The following RBPMS2 variants were observed in gnomAD, a reference collection of about 807,000 sequenced individuals.
RBPMS2 encodes RNA binding protein, mRNA processing factor 2, also known as RNA-binding protein with multiple splicing 2.
In RBPMS2, 14 loss-of-function variants were observed where a neutral mutation model predicts 25.7. That is an observed-to-expected ratio of 0.55 (90% CI 0.36 to 0.85). The LOEUF is 0.85. Among genes scored for constraint, RBPMS2 ranks in the 40% least tolerant of loss-of-function variants. The pLI, the probability that RBPMS2 is intolerant of heterozygous loss-of-function variation, is 0.01. For synonymous variants in RBPMS2, 127 were observed against 115.6 expected, an observed-to-expected ratio of 1.10 and a Z score of -0.63; for missense variants, 252 against 283.4, an observed-to-expected ratio of 0.89 and a Z score of 0.80.
chr15:64,764,551 C>T (rs1237663182), intron 1 of RBPMS2, among the ~76,000 whole-genome samples: 2 of 152,174 alleles, frequency 1.3e-5, no homozygotes, highest in Non-Finnish European at 2.9e-5. Flanking sequence ...TGATTTGCAG[C>T]TCCCTGCCAC....
chr15:64,774,595 A>T lies in RBPMS2; in HGVS notation c.87+638T>A, dbSNP rs999829915. Among the ~76,000 whole-genome samples the T allele has an allele frequency of 2.7e-5, 4 of 148,828 alleles. No individual in the cohort carries two copies. The Admixed American group carries it at 2.7e-4, about 10-fold the overall frequency. On this transcript the variant is annotated intron_variant, in intron 1 of 7. Coordinates refer to ENST00000300069, the MANE Select transcript of RBPMS2 (RefSeq NM_194272.3). ...TGGTTGCCAGGACAAACCCAGAGAGAGGAGAAGGACGAACTGAGTGTCTTT... is the reference window on the plus strand; with the variant it reads ...TGGTTGCCAGGACAAACCCAGAGAGTGGAGAAGGACGAACTGAGTGTCTTT...
chr15:64,762,193 G>C (rs2083795382), intron 1 of RBPMS2, among the ~76,000 whole-genome samples: 1 of 152,192 alleles, frequency 6.6e-6, no homozygotes, highest in Non-Finnish European at 1.5e-5. Flanking sequence ...TAGGTATGAT[G>C]GTGATGGTGG....
chr15:64,764,895 G>A (rs1229950078), intron 1 of RBPMS2, among the ~76,000 whole-genome samples: 1 of 142,370 alleles, frequency 7.0e-6, no homozygotes, highest in African/African-American at 2.6e-5. Context: ...TCTAGCCTGG[G>A]TGACAACAGA....
At chr15:64,745,106 G>A (rs1019733901) in intron 6 of RBPMS2, among the ~76,000 whole-genome samples, 2 of 151,936 alleles carry the variant, frequency 1.3e-5, no homozygotes, top group African/African-American at 4.8e-5. Context: ...GAGCCACTGC[G>A]CCTGGCCCTA....
At chr15:64,768,153 G>A (rs1164278923) in intron 1 of RBPMS2, among the ~76,000 whole-genome samples, 3 of 152,240 alleles carry the variant, frequency 2.0e-5, no homozygotes, top group African/African-American at 7.2e-5. Context: ...TAGTGGAGGA[G>A]TGTGTGAAAG....
At chr15:64,752,497 G>A (rs908942167) in intron 1 of RBPMS2, among the ~76,000 whole-genome samples, 10 of 152,186 alleles carry the variant, frequency 6.6e-5, no homozygotes, top group Admixed American at 3.9e-4. Context: ...CTCTTAGCAT[G>A]GTGATGGTAC....
intron 5 of RBPMS2, 87 bp from the exon 6 acceptor site, chr15:64,748,654 A>T: frequency 6.8e-7 from 1 of 1,464,196 alleles, no homozygotes; most frequent in East Asian, 2.3e-5. Flanking sequence ...TGGTTGAGCC[A>T]TATGCCCCAC....
chr15:64,766,966 T>C (rs559955783), intron 1 of RBPMS2, among the ~76,000 whole-genome samples: 175 of 152,202 alleles, frequency 1.1e-3, no homozygotes, highest in African/African-American at 3.9e-3. Flanking sequence ...GTATTTTTAG[T>C]AGAGATGGGG....
chr15:64,767,660 C>T (rs2083858701), intron 1 of RBPMS2, among the ~76,000 whole-genome samples: 1 of 152,154 alleles, frequency 6.6e-6, no homozygotes, highest in Non-Finnish European at 1.5e-5. Flanking sequence ...GCCAGCATGT[C>T]CCAGCCTTGA....
At chr15:64,761,696 CTTTTTTTTTTTTT>C (rs71133473) in intron 1 of RBPMS2, among the ~76,000 whole-genome samples, 1 of 86,678 alleles carries the variant, frequency 1.2e-5, no homozygotes, top group Admixed American at 1.8e-4. Flanking sequence ...CAAAGCCCAG[CTTTTTTTTTTTTT>C]TTTTTTTTTT....
At chr15:64,768,974 A>C (rs1487569165) in intron 1 of RBPMS2, among the ~76,000 whole-genome samples, 1 of 148,282 alleles carries the variant, frequency 6.7e-6, no homozygotes, top group Non-Finnish European at 1.5e-5. Flanking sequence ...GGTGGCGGGC[A>C]CCTGTAGTCC....
chr15:64,748,443 G>C lies in RBPMS2; in HGVS notation c.543C>G (p.Ala181=). The change falls in exon 6 of 8, where the codon GCC becomes GCG. Residue 181 remains alanine, a synonymous_variant. Coordinates refer to ENST00000300069, the MANE Select transcript of RBPMS2 (RefSeq NM_194272.3). ...CCTGAGCGTGGAGGGCGGCGGCAGC[G>C]GCAGTGGCAGTTGGGTAGGTGAACG... is the stretch of plus-strand genomic sequence containing the variant. ...HAAFTYPTAT[A]AAAALHAQVR... The C allele has an allele frequency of 6.2e-7, 1 of 1,614,056 alleles. No homozygotes were observed. Among genetic ancestry groups the C allele is most frequent in the Non-Finnish European group, 8.5e-7 (1 of 1,180,008 alleles).
chr15:64,773,051 C>T (rs1164322449), intron 1 of RBPMS2, among the ~76,000 whole-genome samples: 1 of 152,194 alleles, frequency 6.6e-6, no homozygotes, highest in Non-Finnish European at 1.5e-5. Context: ...TGAGGTCTTA[C>T]GGCGTGCAGC....
At chr15:64,742,447 G>A (rs1188663827) in intron 6 of RBPMS2, among the ~76,000 whole-genome samples, 1 of 152,248 alleles carries the variant, frequency 6.6e-6, no homozygotes, top group Non-Finnish European at 1.5e-5. Context: ...GCCCCACAGA[G>A]CAGTAGCCCC....
chr15:64,762,346 G>A, intron 1 of RBPMS2: 1 of 393,942 alleles, frequency 2.5e-6, no homozygotes, highest in Non-Finnish European at 5.0e-6. Flanking sequence ...ACTAGCTATG[G>A]GGAGGTTGGG....
intron 1 of RBPMS2, among the ~76,000 whole-genome samples, chr15:64,759,835 G>A (rs2083766827): frequency 6.6e-6 from 1 of 152,098 alleles, no homozygotes; most frequent in East Asian, 1.9e-4. Context: ...ACCATGCCCG[G>A]CTAATTTTTG....
At chr15:64,747,323 C>T (rs570301325) in intron 6 of RBPMS2, among the ~76,000 whole-genome samples, 8 of 152,284 alleles carry the variant, frequency 5.3e-5, no homozygotes, top group African/African-American at 1.4e-4. Flanking sequence ...ACACAGCTCT[C>T]GGGCAGAGCA....
chr15:64,766,762 C>T (rs1163278722), intron 1 of RBPMS2, among the ~76,000 whole-genome samples: 5 of 152,088 alleles, frequency 3.3e-5, no homozygotes, highest in African/African-American at 1.2e-4. Flanking sequence ...ATCTCCTAAC[C>T]TCGTGATCCA....
Position 64,775,139 on chromosome 15 carries a change from C to T in RBPMS2, c.87+94G>A, listed in dbSNP as rs946975001. ...GGAAGGCGCCGGGAGCGATGGCCAC[C>T]CCGGCCCCGCGAGGCGCGGCAGGCC... On this transcript the variant is annotated intron_variant, in intron 1 of 7. Transcript: ENST00000300069. The T allele has an allele frequency of 3.1e-5, 21 of 673,116 alleles. No homozygotes were observed. In the African/African-American group the frequency reaches 3.4e-4, roughly 11 times the overall value. 41.7% of individuals were successfully genotyped at this position (673,116 alleles called of 1,614,324 possible). A position where few individuals can be genotyped will look rare whatever the true frequency, so the allele number is the denominator to read the frequency against.
Sources: allele counts gnomAD v4.1 joint callset (sites outside exome capture counted in the v4.1 genomes callset), GRCh38; gene constraint gnomAD v4.1.1; transcripts MANE v1.5; gene names NCBI Gene and HGNC (gene_info 2026-07-23, HGNC 2026-07-21).